The following UBR4 variants were observed in gnomAD, a reference collection of about 807,000 sequenced individuals.
The protein encoded by UBR4 is ubiquitin protein ligase E3 component n-recognin 4.
Under a neutral mutation model 575.6 loss-of-function variants are expected in UBR4, and 124 were observed. The ratio of observed to expected loss-of-function variants is 0.22; its 90% confidence interval spans 0.19 to 0.25. UBR4 has a LOEUF of 0.25. Among genes scored for constraint, UBR4 ranks in the 10% least tolerant of loss-of-function variants. The pLI, the probability that UBR4 is intolerant of heterozygous loss-of-function variation, is 1.00. For synonymous variants in UBR4, 2,455 were observed against 2,473.7 expected (o/e 0.99, Z 0.22); for missense variants, 4,818 against 6,478.8 (o/e 0.74, Z 8.80).
chr1:19,074,936 A>C (rs779515546), intron 105 of UBR4, 40 bp from the exon 106 acceptor site: 1 of 1,607,412 alleles, frequency 6.2e-7, no homozygotes, highest in Admixed American at 1.7e-5. Context: ...AGGAGCAGGC[A>C]TACAGCCCCC....
At chr1:19,092,777 T>A in intron 97 of UBR4, 42 bp downstream of exon 97, 3 of 1,516,786 alleles carry the variant, frequency 2.0e-6, no homozygotes, top group Non-Finnish European at 2.7e-6. Context: ...GTAGTTATAC[T>A]TGTACCCCTG....
chr1:19,127,720 T>A lies in UBR4; in HGVS notation c.9131A>T (p.Glu3044Val). ...ATGGACTTCATTCAGGGCGCTGCGC[T>A]CATTCTTCTTGGAGACATCCTGCAG... ...MDKKDVSKKN[E>V]RSALNEVHLV... is the part of the protein sequence containing the mutation. The change falls in exon 63 of 106, where the codon GAG becomes GTG. Residue 3044 changes from glutamate to valine, a missense_variant. Physicochemically the swap from Glu to Val is moderately radical, Grantham distance 121 (BLOSUM62 -2). Coordinates refer to ENST00000375254, the MANE Select transcript of UBR4 (RefSeq NM_020765.3). The A allele has an allele frequency of 6.2e-7, 1 of 1,614,096 alleles. No homozygotes were observed. The highest frequency in any genetic ancestry group is 8.5e-7 in the Non-Finnish European group (1 of 1,179,976).
rs2087557202 is a variant in UBR4 at position 19,162,581 on chromosome 1, T to C, written c.4795A>G (p.Ile1599Val). The C allele has an allele frequency of 1.9e-6, 3 of 1,613,968 alleles. No individual in the cohort carries two copies. Among genetic ancestry groups the C allele is most frequent in the South Asian group, 2.2e-5 (2 of 91,064 alleles). Reference sequence around the variant, plus strand: ...GTGACATCAGCCAAGTAAGACATGATATGGCATGTGCACTCCAAGATCATC... The same window carrying C: ...GTGACATCAGCCAAGTAAGACATGACATGGCATGTGCACTCCAAGATCATC... Reference protein sequence around the residue: ...HVMILECTCHIMSYLADVTNA... With the variant: ...HVMILECTCHVMSYLADVTNA... The change falls in exon 35 of 106, where the codon ATC (isoleucine) becomes GTC (valine). Residue 1599 changes from isoleucine to valine, a missense_variant. Transcript: ENST00000375254.
At chr1:19,086,620 C>T (rs1264998410) in intron 100 of UBR4, 59 bp downstream of exon 100, 12 of 1,594,440 alleles carry the variant, frequency 7.5e-6, no homozygotes, top group East Asian at 4.5e-5. Flanking sequence ...CAGTCCCACC[C>T]GCTCCAGGCC....
At chr1:19,156,552 G>A (rs2086483655) in intron 41 of UBR4, 129 bp from the exon 42 acceptor site, 1 of 1,275,498 alleles carries the variant, frequency 7.8e-7, no homozygotes, top group South Asian at 1.6e-5. Flanking sequence ...AGACTGTCTA[G>A]TAACATTCAG....
chr1:19,087,750 G>A, intron 99 of UBR4, 66 bp downstream of exon 99: 3 of 1,327,564 alleles, frequency 2.3e-6, no homozygotes, highest in Non-Finnish European at 1.1e-6. Flanking sequence ...TGGAGGAGGG[G>A]GATGCTACCT....
In UBR4 at chr1:19,175,018, G is replaced by C. The variant is rs1056190420; in HGVS notation, c.2789C>G (p.Pro930Arg). Residue 930 changes from proline to arginine, a missense_variant, in exon 21 of 106, where the codon CCC (proline) becomes CGC (arginine). Pro to Arg is a moderately radical substitution (Grantham distance 103, BLOSUM62 -2). This residue lies in a region of UBR4 where 1,172 missense variants were observed against 1,259.7 expected (regional missense o/e 0.93). Coordinates refer to ENST00000375254, the MANE Select transcript of UBR4 (RefSeq NM_020765.3). ...KHFSSDAVPH[P>R]RFYCVLSPEA... ...TGGGGACAGGACACAGTAGAATCTG[G>C]GGTGTGGGACAGCATCTGAAAAGTA... is the stretch of plus-strand genomic sequence containing the variant. The C allele has an allele frequency of 6.2e-7, 1 of 1,613,848 alleles. No individual in the cohort carries two copies. The highest frequency in any genetic ancestry group is 8.5e-7 in the Non-Finnish European group (1 of 1,179,868).
chr1:19,179,457 T>C (rs1008916987), intron 17 of UBR4, among the ~76,000 whole-genome samples: 1 of 152,032 alleles, frequency 6.6e-6, no homozygotes, highest in Non-Finnish European at 1.5e-5. Context: ...AGTTAATGAG[T>C]GTCAGATATG....
Position 19,164,961 on chromosome 1 carries a change from C to T in UBR4, c.4349G>A (p.Cys1450Tyr). ...ACAGGCCAGTTGTGCCAGGGAGCCA[C>T]AGAGATGCAACAGGCTCGGGTTAGG... ...KSPNPSLLHLCGSLAQLACVE... is the reference protein window; with the variant it reads ...KSPNPSLLHLYGSLAQLACVE... Residue 1450 changes from cysteine to tyrosine, a missense_variant, in exon 32 of 106, where the codon TGT becomes TAT. By Grantham distance (194) the Cys-to-Tyr change is radical. Transcript: ENST00000375254. 1 of 1,614,018 alleles carries T rather than the reference C, an allele frequency of 6.2e-7. No individual in the cohort carries two copies. The highest frequency in any genetic ancestry group is 8.5e-7 in the Non-Finnish European group (1 of 1,180,034).
intron 60 of UBR4, among the ~76,000 whole-genome samples, chr1:19,132,896 G>A (rs149533571): frequency 2.6e-3 from 389 of 152,068 alleles, no homozygotes; most frequent in African/African-American, 7.4e-3. Flanking sequence ...TGTAAAATAC[G>A]ATATACCAAA....
Position 19,151,628 on chromosome 1 carries a change from G to A in UBR4, c.7213+15C>T. ...ACAATGAGGACAGAGTCTGCACCAG[G>A]GGTTGGTGACTCACTGAAGAGGTTC... On this transcript the variant is annotated intron_variant, in intron 48 of 105. Coordinates refer to ENST00000375254, the MANE Select transcript of UBR4 (RefSeq NM_020765.3). The A allele has an allele frequency of 6.2e-7, 1 of 1,613,740 alleles. No individual in the cohort carries two copies. Among genetic ancestry groups the A allele is most frequent in the Admixed American group, 1.7e-5 (1 of 60,020 alleles).
At chr1:19,099,570 C>A (rs979247648) in intron 90 of UBR4, 27 bp downstream of exon 90, 1 of 1,604,932 alleles carries the variant, frequency 6.2e-7, no homozygotes, top group Non-Finnish European at 8.5e-7. Flanking sequence ...TGAAACCACA[C>A]CTCCAAACGA....
chr1:19,175,702 A>C (rs142873471), intron 20 of UBR4, among the ~76,000 whole-genome samples: 154 of 152,352 alleles, frequency 1.0e-3, no homozygotes, highest in African/African-American at 3.6e-3. Context: ...AAAATAAGGA[A>C]AATTAATGAC....
rs1364165137 is a variant in UBR4 at position 19,157,387 on chromosome 1, AACTT to A, written c.5760+424_5760+427del. Reference sequence around the variant, plus strand: ...TCTACTAGCTCTATAACACAATACAAACTTACTTATGTGCTTAACAGAGCTGGGA... The same window carrying A: ...TCTACTAGCTCTATAACACAATACAAACTTATGTGCTTAACAGAGCTGGGA... On this transcript the variant is annotated intron_variant, in intron 40 of 105. Coordinates refer to ENST00000375254, the MANE Select transcript of UBR4 (RefSeq NM_020765.3). This position sits in a 1 kb window ranked among gnomAD's most constrained non-coding sequence, Gnocchi z 4.4. Among the ~76,000 whole-genome samples, 3 of 152,190 alleles carry A rather than the reference AACTT, an allele frequency of 2.0e-5. No individual in the cohort carries two copies. The highest frequency in any genetic ancestry group is 4.4e-5 in the Non-Finnish European group (3 of 68,032).
intron 17 of UBR4, among the ~76,000 whole-genome samples, 155 bp from the exon 18 acceptor site, chr1:19,179,375 A>G (rs925440980): frequency 6.6e-6 from 1 of 152,272 alleles, no homozygotes; most frequent in African/African-American, 2.4e-5. Context: ...TAGTTTGGAT[A>G]AAGATCATTT....
At chr1:19,162,719 G>C in intron 34 of UBR4, 108 bp from the exon 35 acceptor site, 2 of 1,301,580 alleles carry the variant, frequency 1.5e-6, no homozygotes, top group African/African-American at 1.5e-5. Context: ...AATGGTATGA[G>C]AGCAGAGAAG....
At chr1:19,183,673 G>GC in intron 17 of UBR4, 138 bp downstream of exon 17, 10 of 816,142 alleles carry the variant, frequency 1.2e-5, no homozygotes, top group Non-Finnish European at 2.0e-5. Flanking sequence ...AGTGAGCCAA[G>GC]ACCGTGTCAC....
chr1:19,181,752 T>C (rs2090984633), intron 17 of UBR4, among the ~76,000 whole-genome samples: 1 of 152,258 alleles, frequency 6.6e-6, no homozygotes, highest in Non-Finnish European at 1.5e-5. Context: ...AAGGTACTAG[T>C]ACTAGGTACC....
intron 104 of UBR4, 65 bp downstream of exon 104, chr1:19,077,910 AG>A (rs1329259234): frequency 1.9e-6 from 3 of 1,611,724 alleles, no homozygotes; most frequent in Non-Finnish European, 2.5e-6. Context: ...AGGCAGAGTC[AG>A]GGACAGGAGT....
Sources: allele counts gnomAD v4.1 joint callset (sites outside exome capture counted in the v4.1 genomes callset), GRCh38; gene constraint gnomAD v4.1.1; regional missense constraint gnomAD v4.1.1; non-coding constraint Gnocchi (gnomAD v3.1); transcripts MANE v1.5; gene names NCBI Gene and HGNC (gene_info 2026-07-23, HGNC 2026-07-21).